The following TIMD4 variants were observed in gnomAD, a reference collection of about 807,000 sequenced individuals.
TIMD4 encodes T-cell immunoglobulin and mucin domain-containing protein 4.
In TIMD4, 31 loss-of-function variants were observed where a neutral mutation model predicts 41.2. That is an observed-to-expected ratio of 0.75 (90% confidence interval 0.57 to 1.01). TIMD4 has a LOEUF of 1.01. TIMD4 is among the 50% of genes least tolerant of loss of function. The probability of loss-of-function intolerance (pLI) is 0.00; values close to 1 mark genes in which losing one functional copy is unlikely to be tolerated. For synonymous variants in TIMD4, 204 were observed against 177.1 expected (o/e 1.15, Z -1.21); for missense variants, 479 against 472.5 (o/e 1.01, Z -0.13).
At chr5:156,956,608 A>C (rs1039587798) in intron 1 of TIMD4, among the ~76,000 whole-genome samples, 8 of 152,250 alleles carry the variant, frequency 5.3e-5, no homozygotes, top group African/African-American at 1.4e-4. Flanking sequence ...AAGCTCCTCT[A>C]AGATTCCTTT....
intron 6 of TIMD4, chr5:156,924,460 G>C (rs1314798792): frequency 4.1e-6 from 2 of 491,034 alleles, no homozygotes; most frequent in Admixed American, 4.5e-5. Context: ...CCAGGACTGG[G>C]TGTTATTGGT....
chr5:156,951,452 T>C (rs1759851309), intron 3 of TIMD4, 60 bp downstream of exon 3: 2 of 1,589,600 alleles, frequency 1.3e-6, no homozygotes, highest in Non-Finnish European at 1.7e-6. Context: ...AGCAAGTCAC[T>C]GGGCTGCCTC....
rs1386597850 is a variant in TIMD4 at position 156,919,424 on chromosome 5, C to A, written c.*33G>T. 3 of 1,559,876 alleles carry A rather than the reference C, an allele frequency of 1.9e-6. No homozygotes were observed. The highest frequency in any genetic ancestry group is 2.6e-6 in the Non-Finnish European group (3 of 1,147,464). Reference sequence around the variant, plus strand: ...CTTATTTTGACACTGGAGTGTCATGCCCCCATCCTCAATCTAACATGCTAC... The same window carrying A: ...CTTATTTTGACACTGGAGTGTCATGACCCCATCCTCAATCTAACATGCTAC... On this transcript the variant is annotated 3_prime_UTR_variant, in exon 9 of 9. Transcript: ENST00000274532.
rs375641295 is a variant in TIMD4 at position 156,951,566 on chromosome 5, C to A, written c.625G>T (p.Ala209Ser). 1.9e-6 allele frequency: 3 copies of A among 1,614,132 alleles called. No homozygotes were observed. The highest frequency in any genetic ancestry group is 4.5e-5 in the East Asian group (2 of 44,886). ...GGCTCGGGAGTCAGAAGACCTGTGG[C>A]TTCCTCCGGAAGGGTGCTTGGGGTT... ...SLTPSTLPEE[A>S]TGLLTPEPSK... Residue 209 changes from alanine (A) to serine (S), a missense_variant, in exon 3 of 9, where the codon GCC becomes TCC. Coordinates refer to ENST00000274532, the MANE Select transcript of TIMD4 (RefSeq NM_138379.3).
At chr5:156,954,372 T>A (rs761597210) in intron 2 of TIMD4, 43 bp downstream of exon 2, 2 of 1,567,600 alleles carry the variant, frequency 1.3e-6, no homozygotes, top group Non-Finnish European at 1.7e-6. Flanking sequence ...CATTAACCAC[T>A]GAATCTCTCC....
intron 5 of TIMD4, among the ~76,000 whole-genome samples, chr5:156,945,778 G>A (rs2079038860): frequency 6.6e-6 from 1 of 152,166 alleles, no homozygotes; most frequent in Admixed American, 6.5e-5. Context: ...GATACCTAAA[G>A]AGTGTAGAAT....
rs2113377933 is a variant in TIMD4 at position 156,947,977 on chromosome 5, G to T, written c.844+439C>A. Among the ~76,000 whole-genome samples, 3 of 152,276 alleles carry T rather than the reference G, an allele frequency of 2.0e-5. No homozygotes were observed. In the South Asian group the frequency reaches 6.2e-4, roughly 32 times the overall value. On this transcript the variant is annotated intron_variant, in intron 5 of 8. Coordinates refer to ENST00000274532, the MANE Select transcript of TIMD4 (RefSeq NM_138379.3). ...AGGTGGTTTTCCTACTATCATTCCT[G>T]GCATAAGGTCAGCAGTTGCTAAGGA...
Position 156,960,817 on chromosome 5 carries a change from T to C in TIMD4, c.58+2324A>G, listed in dbSNP as rs117358828. On this transcript the variant is annotated intron_variant, in intron 1 of 8. Transcript: ENST00000274532. ...GCCCTCATGGGGCCTGCAGAGTACC[T>C]AGGAAGATAGTCAAATGAGTGAGCA... Among the ~76,000 whole-genome samples the C allele has an allele frequency of 8.3e-4, 126 of 152,268 alleles. 4 individuals carry two copies. In the East Asian group the frequency reaches 0.021, roughly 26 times the overall value.
At chr5:156,961,553 AG>A (rs1272501513) in intron 1 of TIMD4, among the ~76,000 whole-genome samples, 1 of 151,886 alleles carries the variant, frequency 6.6e-6, no homozygotes. Flanking sequence ...CTATAAGCCC[AG>A]CACTTTGGGA....
In TIMD4 at chr5:156,919,303, A is replaced by T; in HGVS notation, c.*154T>A. The T allele has an allele frequency of 1.5e-6, 1 of 652,394 alleles. No individual in the cohort carries two copies. The highest frequency in any genetic ancestry group is 2.7e-6 in the Non-Finnish European group (1 of 369,276). 40.4% of individuals were successfully genotyped at this position (652,394 alleles called of 1,614,324 possible). A position where few individuals can be genotyped will look rare whatever the true frequency, so the allele number is the denominator to read the frequency against. On this transcript the variant is annotated 3_prime_UTR_variant, in exon 9 of 9. Transcript: ENST00000274532. ...CATGGACAGAGAAGTTGTGGTCTCT[A>T]AAGTACCCTTCATTCATGAAACTAA...
At position 156,938,669 on chromosome 5, in the gene TIMD4, G is replaced by A. The variant is rs116418106; in HGVS notation, c.844+9747C>T. Among the ~76,000 whole-genome samples the A allele has an allele frequency of 8.8e-3, 1,343 of 152,154 alleles. 16 individuals are homozygous for A. The highest frequency in any genetic ancestry group is 0.029 in the African/African-American group (1,220 of 41,502). On this transcript the variant is annotated intron_variant, in intron 5 of 8. Coordinates refer to ENST00000274532, the MANE Select transcript of TIMD4 (RefSeq NM_138379.3). ...TGCCATGCCAGAATACATCTTGCTC[G>A]TTCAGCAGCTCCTTCCTTCTCTACC...
At chr5:156,952,912 A>G (rs1052731686) in intron 2 of TIMD4, among the ~76,000 whole-genome samples, 2 of 152,236 alleles carry the variant, frequency 1.3e-5, no homozygotes, top group African/African-American at 4.8e-5. Flanking sequence ...AAAGTATGCA[A>G]CCTAGAGTGA....
intron 5 of TIMD4, among the ~76,000 whole-genome samples, chr5:156,932,893 A>T (rs1163953519): frequency 1.3e-5 from 2 of 151,334 alleles, no homozygotes; most frequent in African/African-American, 4.9e-5. Context: ...AATCCCAGCT[A>T]CTCCGGAGGT....
chr5:156,954,349 T>C (rs1222133570), intron 2 of TIMD4, 66 bp downstream of exon 2: 1 of 1,462,214 alleles, frequency 6.8e-7, no homozygotes, highest in East Asian at 2.3e-5. Flanking sequence ...CACCATCCAC[T>C]GATCCCATTG....
rs1759815176 is a variant in TIMD4, at chr5:156,949,640, T to C, written c.760+11A>G. The C allele has an allele frequency of 6.2e-7, 1 of 1,603,326 alleles. No homozygotes were observed. The highest frequency in any genetic ancestry group is 1.1e-5 in the South Asian group (1 of 90,898). ...GGTGAGGGAGGACAGAGAGAGTGAG[T>C]GTCTGCACACCTTTGGATGTCAGCA... is the stretch of plus-strand genomic sequence containing the variant. On this transcript the variant is annotated intron_variant, in intron 4 of 8. Coordinates refer to ENST00000274532, the MANE Select transcript of TIMD4 (RefSeq NM_138379.3).
chr5:156,946,982 G>A (rs535518527), intron 5 of TIMD4, among the ~76,000 whole-genome samples: 1 of 152,112 alleles, frequency 6.6e-6, no homozygotes, highest in East Asian at 2.0e-4. Context: ...TGGATCACCT[G>A]AGCTTAGGAG....
At chr5:156,956,370 G>T (rs1401935874) in intron 1 of TIMD4, among the ~76,000 whole-genome samples, 1 of 152,212 alleles carries the variant, frequency 6.6e-6, no homozygotes, top group Non-Finnish European at 1.5e-5. Flanking sequence ...TACTGCATCA[G>T]CTACTTGAGA....
At chr5:156,937,927 A>G (rs949927614) in intron 5 of TIMD4, among the ~76,000 whole-genome samples, 1 of 152,244 alleles carries the variant, frequency 6.6e-6, no homozygotes, top group Non-Finnish European at 1.5e-5. Context: ...TTTGAAATCA[A>G]GTGCATCCAA....
At chr5:156,934,875 CAT>C (rs1218454050) in intron 5 of TIMD4, among the ~76,000 whole-genome samples, 9 of 152,336 alleles carry the variant, frequency 5.9e-5, no homozygotes, top group African/African-American at 1.7e-4. Flanking sequence ...ACAGATATCA[CAT>C]ATGTTGACTC....
Sources: allele counts gnomAD v4.1 joint callset (sites outside exome capture counted in the v4.1 genomes callset), GRCh38; gene constraint gnomAD v4.1.1; transcripts MANE v1.5; gene names NCBI Gene and HGNC (gene_info 2026-07-23, HGNC 2026-07-21).